WDR7: variants seen among roughly 807,000 people sequenced by gnomAD.
WDR7 encodes the protein WD repeat-containing protein 7.
In WDR7, 46 loss-of-function variants were observed where a neutral mutation model predicts 169.4. That is an observed-to-expected ratio of 0.27 (90% CI 0.21 to 0.35). The LOEUF (loss-of-function observed/expected upper bound fraction) is 0.35, where lower values mean the gene tolerates loss of function less well. Among genes scored for constraint, WDR7 ranks in the 10% least tolerant of loss-of-function variants. WDR7 has a pLI of 1.00. For synonymous variants in WDR7, 612 were observed against 666.8 expected (o/e 0.92, Z 1.27); for missense variants, 1,534 against 1,859.3 (o/e 0.83, Z 3.22).
intron 2 of WDR7, 29 bp downstream of exon 2, chr18:56,672,703 T>C (rs746589314): frequency 6.4e-7 from 1 of 1,553,130 alleles, no homozygotes; most frequent in Non-Finnish European, 8.7e-7. Flanking sequence ...TATTATACAT[T>C]TTAGATATAA....
intron 19 of WDR7, among the ~76,000 whole-genome samples, chr18:56,794,302 C>CTTTTTTTTTTTTTTT (rs1217568621): frequency 2.6e-3 from 76 of 29,442 alleles, no homozygotes; most frequent in Admixed American, 5.7e-3. Flanking sequence ...AAGGTAAAGT[C>CTTTTTTTTTTTTTTT]TATTTTTTTT....
At chr18:56,829,371 A>G (rs1809655790) in intron 20 of WDR7, among the ~76,000 whole-genome samples, 1 of 152,068 alleles carries the variant, frequency 6.6e-6, no homozygotes, top group Non-Finnish European at 1.5e-5. Context: ...GAAAAGGGAA[A>G]TCTGAGAGAG....
rs1310400478 is a variant in WDR7, at chr18:56,997,678, C to T, written c.4165-23067C>T. 3.9e-5 allele frequency among the ~76,000 whole-genome samples: 6 copies of T among 152,120 alleles called. 1 individual carries two copies. The highest frequency in any genetic ancestry group is 8.8e-5 in the Non-Finnish European group (6 of 68,026). ...TCCTTGTAAAAAATATATTTTAATT[C>T]ATCTTGGGATTTTTTTTGGCACTTG... On this transcript the variant is annotated intron_variant, in intron 26 of 27. Coordinates refer to ENST00000254442, the MANE Select transcript of WDR7 (RefSeq NM_015285.3).
chr18:56,716,614 G>A (rs979257000), intron 12 of WDR7, among the ~76,000 whole-genome samples: 1 of 152,152 alleles, frequency 6.6e-6, no homozygotes, highest in African/African-American at 2.4e-5. Flanking sequence ...TGAGACCATT[G>A]ATAGACCATA....
At position 56,995,061 on chromosome 18, in the gene WDR7, GA is replaced by G. The variant is rs199828359; in HGVS notation, c.4165-25676del. On this transcript the variant is annotated intron_variant, in intron 26 of 27. Transcript: ENST00000254442. ...AAATAATTTAAGCTAGAATATGAGA[GA>G]AAAAAAACTTCCTTTTGAAACTCAG... Among the ~76,000 whole-genome samples, 768 of 152,030 alleles carry G rather than the reference GA, an allele frequency of 5.1e-3. 2 individuals carry two copies. The highest frequency in any genetic ancestry group is 0.013 in the African/African-American group (522 of 41,490).
At chr18:56,924,399 A>G (rs373256208) in intron 22 of WDR7, among the ~76,000 whole-genome samples, 1 of 152,148 alleles carries the variant, frequency 6.6e-6, no homozygotes, top group South Asian at 2.1e-4. Context: ...TAATATTGTT[A>G]ATAAGGAAAA....
At chr18:56,993,821 G>C (rs902198946) in intron 26 of WDR7, among the ~76,000 whole-genome samples, 3 of 152,080 alleles carry the variant, frequency 2.0e-5, no homozygotes, top group Admixed American at 2.0e-4. Context: ...GATAATCTTC[G>C]GATTACTGGA....
At chr18:57,034,641 T>G (rs1395107400), downstream of WDR7, 1 of 152,332 alleles carries the variant, frequency 6.6e-6, no homozygotes, top group Non-Finnish European at 1.5e-5. Context: ...GAGGGCGATG[T>G]GCTGGAGGGT....
intron 26 of WDR7, among the ~76,000 whole-genome samples, chr18:57,011,123 T>C (rs1255865610): frequency 6.6e-6 from 1 of 152,264 alleles, no homozygotes; most frequent in Non-Finnish European, 1.5e-5. Context: ...GTTTTGAGCA[T>C]GTATTTTGAT....
At chr18:56,837,541 AAAC>A (rs2045413984) in intron 20 of WDR7, among the ~76,000 whole-genome samples, 1 of 152,254 alleles carries the variant, frequency 6.6e-6, no homozygotes, top group African/African-American at 2.4e-5. Flanking sequence ...ATTTAAGAAG[AAAC>A]ATAAGGGAAA....
Position 56,663,004 on chromosome 18 carries a change from T to A in WDR7, c.-19-9493T>A, listed in dbSNP as rs375230598. Among the ~76,000 whole-genome samples, 95 of 152,304 alleles carry A rather than the reference T, an allele frequency of 6.2e-4. 2 individuals carry two copies. The South Asian group carries it at 0.019, about 31-fold the overall frequency. ...TCCTGGAGGCTAGAAGTGCCCCAGA[T>A]CAAGGTCAGAAGGTTTATTTTCTGT... On this transcript the variant is annotated intron_variant, in intron 1 of 27. Transcript: ENST00000254442.
At chr18:56,797,999 T>C (rs2044612968) in intron 19 of WDR7, among the ~76,000 whole-genome samples, 1 of 152,196 alleles carries the variant, frequency 6.6e-6, no homozygotes, top group South Asian at 2.1e-4. Context: ...TTATTACATA[T>C]ATGTCGCAGG....
At chr18:56,829,775 C>T (rs978454565) in intron 20 of WDR7, among the ~76,000 whole-genome samples, 2 of 151,992 alleles carry the variant, frequency 1.3e-5, no homozygotes, top group Non-Finnish European at 2.9e-5. Flanking sequence ...TTGGGAGGCA[C>T]AGGAGGAAGA....
rs1402939804 is a variant in WDR7 at position 56,751,436 on chromosome 18, GTCTTTA to G, written c.1990-5138_1990-5133del. 3.9e-5 allele frequency among the ~76,000 whole-genome samples: 6 copies of G among 152,268 alleles called. No individual in the cohort carries two copies. In the East Asian group the frequency reaches 1.2e-3, roughly 29 times the overall value. ...GATTTTATATTCTTTGGTAGTAATG[GTCTTTA>G]TCTTTATCCTAAAAGAATTTTGCAG... is the stretch of plus-strand genomic sequence containing the variant. On this transcript the variant is annotated intron_variant, in intron 14 of 27. Transcript: ENST00000254442.
intron 16 of WDR7, among the ~76,000 whole-genome samples, chr18:56,765,939 A>G (rs2044059132): frequency 6.6e-6 from 1 of 151,918 alleles, no homozygotes; most frequent in East Asian, 1.9e-4. Flanking sequence ...TAAGCCCTGC[A>G]TGCTAATCTT....
rs145699888 is a variant in WDR7 at position 57,001,310 on chromosome 18, C to A, written c.4165-19435C>A. The stretch of plus-strand genomic sequence containing the variant: ...CAGATTTACAGGAAAGGCATCCTTA[C>A]CGAGAAATGGTAGCTTGTGGTTAAG... On this transcript the variant is annotated intron_variant, in intron 26 of 27. Transcript: ENST00000254442. 4.3e-3 allele frequency among the ~76,000 whole-genome samples: 654 copies of A among 152,202 alleles called. 2 individuals carry two copies. The highest frequency in any genetic ancestry group is 0.031 in the Middle Eastern group (9 of 294).
At chr18:56,925,545 G>C (rs950239665) in intron 22 of WDR7, among the ~76,000 whole-genome samples, 1 of 152,088 alleles carries the variant, frequency 6.6e-6, no homozygotes, top group African/African-American at 2.4e-5. Flanking sequence ...CTCAATGAAT[G>C]GTGTTTCATT....
At chr18:56,706,291 C>G (rs905027965) in intron 12 of WDR7, among the ~76,000 whole-genome samples, 7 of 152,166 alleles carry the variant, frequency 4.6e-5, no homozygotes, top group African/African-American at 1.7e-4. Context: ...GAGTCATTAT[C>G]AATGATTTTT....
chr18:56,830,236 A>G (rs2045284587), intron 20 of WDR7, among the ~76,000 whole-genome samples: 1 of 152,182 alleles, frequency 6.6e-6, no homozygotes, highest in South Asian at 2.1e-4. Flanking sequence ...TTGGTGTAAA[A>G]TGTATACGAT....
Sources: gnomAD v4.1 joint callset for allele counts (sites outside exome capture counted in the v4.1 genomes callset) on GRCh38, gnomAD v4.1.1 for gene constraint, MANE v1.5 for transcripts, NCBI Gene and HGNC (gene_info 2026-07-23, HGNC 2026-07-21) for gene names.